The following THSD4 variants were observed in gnomAD, a reference collection of about 807,000 sequenced individuals.
THSD4 encodes the protein thrombospondin type-1 domain-containing protein 4.
A neutral mutation model predicts 119.0 loss-of-function variants in THSD4; 69 were observed. The ratio of observed to expected loss-of-function variants is 0.58; its 90% CI spans 0.48 to 0.71. The LOEUF is 0.71. THSD4 is among the 30% of genes least tolerant of loss of function. The pLI, the probability that THSD4 is intolerant of heterozygous loss-of-function variation, is 0.00. For synonymous variants in THSD4, 524 were observed against 540.4 expected (o/e 0.97, Z 0.42); for missense variants, 1,393 against 1,391.1 (o/e 1.00, Z -0.02).
chr15:71,626,281 C>A (rs2050508425), intron 7 of THSD4, among the ~76,000 whole-genome samples: 1 of 152,082 alleles, frequency 6.6e-6, no homozygotes, highest in Non-Finnish European at 1.5e-5. Context: ...ACAATGGCAA[C>A]CTTTTCTCAT....
intron 7 of THSD4, among the ~76,000 whole-genome samples, chr15:71,550,809 G>T (rs1309530981): frequency 6.6e-6 from 1 of 152,152 alleles, no homozygotes; most frequent in Non-Finnish European, 1.5e-5. Context: ...TACAGACAAG[G>T]TTTCTTTTCA....
intron 6 of THSD4, among the ~76,000 whole-genome samples, chr15:71,298,662 G>C (rs1025259305): frequency 1.5e-5 from 2 of 133,618 alleles, no homozygotes. Flanking sequence ...GCTCAGGCTC[G>C]AGTGCAGTGG....
At chr15:71,449,070 T>C (rs576957614) in intron 7 of THSD4, among the ~76,000 whole-genome samples, 1 of 152,326 alleles carries the variant, frequency 6.6e-6, no homozygotes, top group African/African-American at 2.4e-5. Context: ...AGTGTGCCTG[T>C]CTGACCAGCG....
intron 7 of THSD4, among the ~76,000 whole-genome samples, chr15:71,603,118 T>C (rs1308485810): frequency 6.6e-6 from 1 of 152,216 alleles, no homozygotes; most frequent in Non-Finnish European, 1.5e-5. Context: ...TTGCTACAAA[T>C]GCAATGATGT....
intron 2 of THSD4, among the ~76,000 whole-genome samples, chr15:71,145,836 G>C (rs1476312417): frequency 6.6e-6 from 1 of 151,996 alleles, no homozygotes; most frequent in African/African-American, 2.4e-5. Flanking sequence ...GGGGAGGAGG[G>C]AGTGGAGGAA....
chr15:71,441,338 G>GAGGCAGGTCATGATATGA (rs1566984093), intron 7 of THSD4, among the ~76,000 whole-genome samples: 1 of 152,114 alleles, frequency 6.6e-6, no homozygotes, highest in African/African-American at 2.4e-5. Flanking sequence ...TGGGCAACAG[G>GAGGCAGGTCATGATATGA]GTTCGGGAGA....
chr15:71,191,072 C>T (rs1324427330), intron 3 of THSD4, among the ~76,000 whole-genome samples: 3 of 152,284 alleles, frequency 2.0e-5, no homozygotes, highest in South Asian at 2.1e-4. Flanking sequence ...TTCCTGGGAA[C>T]GTAATTTTTC....
At chr15:71,570,469 C>A (rs765762214) in intron 7 of THSD4, among the ~76,000 whole-genome samples, 1 of 151,642 alleles carries the variant, frequency 6.6e-6, no homozygotes. Context: ...TACAGTGGCG[C>A]CATCTAGGCT....
intron 4 of THSD4, among the ~76,000 whole-genome samples, chr15:71,226,704 C>T (rs1255294001): frequency 1.3e-5 from 2 of 152,182 alleles, no homozygotes; most frequent in African/African-American, 4.8e-5. Flanking sequence ...AGCCACATGC[C>T]GATTTCCTGA....
chr15:71,493,730 G>A (rs143020214), intron 7 of THSD4, among the ~76,000 whole-genome samples: 2 of 152,318 alleles, frequency 1.3e-5, no homozygotes, highest in Non-Finnish European at 2.9e-5. Context: ...AGAGGACAAA[G>A]GTTTATTGGG....
intron 7 of THSD4, among the ~76,000 whole-genome samples, chr15:71,496,318 C>A (rs766394910): frequency 6.6e-6 from 1 of 152,150 alleles, no homozygotes; most frequent in Non-Finnish European, 1.5e-5. Context: ...TATTATGTTA[C>A]TGAGATTGAG....
At chr15:71,203,660 C>G (rs749735347) in intron 3 of THSD4, among the ~76,000 whole-genome samples, 9 of 152,106 alleles carry the variant, frequency 5.9e-5, no homozygotes, top group Non-Finnish European at 1.3e-4. Flanking sequence ...AGCAAGACTC[C>G]ATCTTAAAAT....
chr15:71,365,063 T>C (rs565219565), intron 6 of THSD4, among the ~76,000 whole-genome samples: 2 of 151,458 alleles, frequency 1.3e-5, no homozygotes, highest in South Asian at 2.1e-4. Context: ...GATACAAAAA[T>C]CATTTATCAG....
At chr15:71,268,676 T>C (rs1222976925) in intron 6 of THSD4, among the ~76,000 whole-genome samples, 1 of 150,708 alleles carries the variant, frequency 6.6e-6, no homozygotes, top group African/African-American at 2.4e-5. Flanking sequence ...AGGAACTGTT[T>C]TTTTTTTTTT....
chr15:71,607,882 A>G (rs2050138149), intron 7 of THSD4, among the ~76,000 whole-genome samples: 2 of 152,294 alleles, frequency 1.3e-5, no homozygotes, highest in East Asian at 3.9e-4. Flanking sequence ...TCTCTTTGCC[A>G]AGGTTTTCAT....
chr15:71,165,931 G>A (rs1033229528), intron 3 of THSD4, among the ~76,000 whole-genome samples: 3 of 152,094 alleles, frequency 2.0e-5, no homozygotes, highest in Non-Finnish European at 2.9e-5. Context: ...TCAGGCCAAG[G>A]GTGTGTGTGG....
chr15:71,123,572 C>T (rs762706641), intron 1 of THSD4, among the ~76,000 whole-genome samples: 16 of 152,084 alleles, frequency 1.1e-4, no homozygotes, highest in Admixed American at 9.8e-4. Flanking sequence ...GTGTGAGAGG[C>T]GGGGAGTAAT....
intron 6 of THSD4, among the ~76,000 whole-genome samples, chr15:71,331,486 C>A (rs182592043): frequency 1.1e-3 from 173 of 152,332 alleles, no homozygotes; most frequent in African/African-American, 4.0e-3. Flanking sequence ...AACACACTTA[C>A]TAAATGCAAA....
At chr15:71,755,157 A>G (rs530087712) in intron 14 of THSD4, among the ~76,000 whole-genome samples, 2 of 152,238 alleles carry the variant, frequency 1.3e-5, no homozygotes, top group African/African-American at 4.8e-5. Flanking sequence ...CTATTTCTCA[A>G]TAGCCTTCAG....
Sources: allele counts gnomAD v4.1 joint callset (sites outside exome capture counted in the v4.1 genomes callset), GRCh38; gene constraint gnomAD v4.1.1; transcripts MANE v1.5; gene names NCBI Gene and HGNC (gene_info 2026-07-23, HGNC 2026-07-21).